The following ANKRD30B variants were observed in gnomAD, a reference collection of about 807,000 sequenced individuals.
ANKRD30B encodes the protein ankyrin repeat domain 30B.
A neutral mutation model predicts 202.2 loss-of-function variants in ANKRD30B; 144 were observed. That is an observed-to-expected ratio of 0.71 (90% CI 0.62 to 0.82). The LOEUF (loss-of-function observed/expected upper bound fraction) is 0.82, where lower values mean the gene tolerates loss of function less well. Among genes scored for constraint, ANKRD30B ranks in the 40% least tolerant of loss-of-function variants. ANKRD30B has a pLI of 0.00. For missense variants in ANKRD30B, 1,487 were observed against 1,669.1 expected (o/e 0.89, Z 1.90); for synonymous variants, 508 against 561.3 (o/e 0.91, Z 1.34).
intron 30 of ANKRD30B, among the ~76,000 whole-genome samples, chr18:14,815,458 G>T (rs1422452745): frequency 2.0e-5 from 3 of 152,162 alleles, no homozygotes; most frequent in African/African-American, 7.2e-5. Flanking sequence ...TTGGACCTCA[G>T]ACTGAGTAGC....
At chr18:14,930,413 A>T in the ANKRD30B span, among the ~76,000 whole-genome samples, 1 of 152,154 alleles carries the variant, frequency 6.6e-6, no homozygotes, top group Non-Finnish European at 1.5e-5. Flanking sequence ...AGTTAAATTA[A>T]TGCAACTGAC....
chr18:14,823,617 A>G (rs1201516802), intron 32 of ANKRD30B, among the ~76,000 whole-genome samples: 1 of 152,092 alleles, frequency 6.6e-6, no homozygotes, highest in Non-Finnish European at 1.5e-5. Flanking sequence ...ACTGTAATTA[A>G]TTGCCTAGAG....
chr18:14,791,312 T>C (rs1397783646), intron 15 of ANKRD30B, 89 bp from the exon 16 acceptor site: 3 of 1,131,772 alleles, frequency 2.7e-6, no homozygotes, highest in Admixed American at 4.9e-5. Context: ...AAATTGTGTT[T>C]TTAAAAAAGA....
chr18:14,833,736 C>T (rs1971055895), intron 34 of ANKRD30B, among the ~76,000 whole-genome samples: 1 of 152,086 alleles, frequency 6.6e-6, no homozygotes, highest in South Asian at 2.1e-4. Context: ...ATATTATTAA[C>T]AAAAGTCTGT....
chr18:14,775,088 C>T (rs560431370), intron 9 of ANKRD30B, among the ~76,000 whole-genome samples: 57 of 152,332 alleles, frequency 3.7e-4, no homozygotes, highest in African/African-American at 1.3e-3. Flanking sequence ...GATCATGCCA[C>T]TGCACTCCAG....
chr18:14,838,476 T>C (rs9797358), intron 36 of ANKRD30B, among the ~76,000 whole-genome samples: 77,443 of 151,956 alleles, frequency 0.51, 19,923 homozygotes, highest in Non-Finnish European at 0.53. Context: ...AAAACTATAA[T>C]AACAACAATT....
At chr18:14,842,200 G>A (rs1328220067) in intron 37 of ANKRD30B, among the ~76,000 whole-genome samples, 2 of 152,098 alleles carry the variant, frequency 1.3e-5, no homozygotes, top group African/African-American at 4.8e-5. Context: ...AATATTGAAA[G>A]CTCATTATGC....
At chr18:14,776,683 G>A (rs115689346) in intron 9 of ANKRD30B, among the ~76,000 whole-genome samples, 1,752 of 152,268 alleles carry the variant, frequency 0.012, 40 homozygotes, top group African/African-American at 0.04. Context: ...TCACGAACAC[G>A]TTTTTATTTT....
intron 8 of ANKRD30B, among the ~76,000 whole-genome samples, chr18:14,769,935 C>A (rs1320537398): frequency 1.3e-5 from 2 of 152,066 alleles, no homozygotes; most frequent in Admixed American, 6.5e-5. Flanking sequence ...CATAAGAAGA[C>A]CAGGTAAATC....
At chr18:14,937,207 A>G in the ANKRD30B span, among the ~76,000 whole-genome samples, 1 of 152,230 alleles carries the variant, frequency 6.6e-6, no homozygotes, top group Non-Finnish European at 1.5e-5. Context: ...TCATGAGTGT[A>G]AAGGAAAATG....
At chr18:14,797,578 T>G in intron 18 of ANKRD30B, 83 bp from the exon 19 acceptor site, 1 of 1,422,386 alleles carries the variant, frequency 7.0e-7, no homozygotes, top group Non-Finnish European at 9.9e-7. Flanking sequence ...TGAGGATTCA[T>G]CTTCATATTC....
At chr18:14,754,675 T>C (rs528842311) in intron 3 of ANKRD30B, among the ~76,000 whole-genome samples, 7 of 152,222 alleles carry the variant, frequency 4.6e-5, no homozygotes, top group East Asian at 1.9e-4. Flanking sequence ...TAATGATTTT[T>C]GGAGATAACC....
chr18:14,754,059 C>T (rs562942178), intron 3 of ANKRD30B, among the ~76,000 whole-genome samples: 1 of 152,140 alleles, frequency 6.6e-6, no homozygotes, highest in South Asian at 2.1e-4. Flanking sequence ...TTTCTAATAG[C>T]CGAGAAAAAA....
At chr18:14,886,973 A>C in the ANKRD30B span, among the ~76,000 whole-genome samples, 398 of 152,226 alleles carry the variant, frequency 2.6e-3, 2 homozygotes, top group African/African-American at 9.1e-3. Context: ...AATTAAATGA[A>C]TCTATTGTTT....
chr18:14,781,395 C>T (rs889217923), intron 11 of ANKRD30B, among the ~76,000 whole-genome samples: 1 of 148,194 alleles, frequency 6.7e-6, no homozygotes, highest in Middle Eastern at 3.5e-3. Context: ...CCTGGGTTCA[C>T]GCCATTCTCC....
At chr18:14,932,532 G>T in the ANKRD30B span, among the ~76,000 whole-genome samples, 2 of 152,150 alleles carry the variant, frequency 1.3e-5, no homozygotes, top group Non-Finnish European at 2.9e-5. Flanking sequence ...TAGAGACGGG[G>T]TTTCACCGTG....
chr18:14,844,152 T>C (rs144267112), intron 39 of ANKRD30B, among the ~76,000 whole-genome samples: 2,947 of 152,318 alleles, frequency 0.019, 102 homozygotes, highest in African/African-American at 0.068. Flanking sequence ...AGGTTCTTTA[T>C]AGAATTCCAT....
chr18:14,912,313 G>C, the ANKRD30B span, among the ~76,000 whole-genome samples: 2 of 151,970 alleles, frequency 1.3e-5, no homozygotes, highest in African/African-American at 2.4e-5. Context: ...GTTTTTTTGA[G>C]GATTTTTATC....
chr18:14,799,354 C>T lies in ANKRD30B; in HGVS notation c.2131+59C>T, dbSNP rs1474377713. 7.2e-6 allele frequency: 10 copies of T among 1,392,070 alleles called. No homozygotes were observed. In the Admixed American group the frequency reaches 1.4e-4, roughly 19 times the overall value. 86.2% of individuals were successfully genotyped at this position (1,392,070 alleles called of 1,614,324 possible). A position where few individuals can be genotyped will look rare whatever the true frequency, so the allele number is the denominator to read the frequency against. ...TAAGAATATTAAACTATTTGAAATG[C>T]TGAGCACCTTTTTATTCCCAATGTT... On this transcript the variant is annotated intron_variant, in intron 22 of 43. Transcript: ENST00000690538.
Sources: gnomAD v4.1 joint callset for allele counts (sites outside exome capture counted in the v4.1 genomes callset) on GRCh38, gnomAD v4.1.1 for gene constraint, MANE v1.5 for transcripts, NCBI Gene and HGNC (gene_info 2026-07-23, HGNC 2026-07-21) for gene names.